Variants in MTUS2 observed in about 807,000 individuals in gnomAD.
The protein encoded by MTUS2 is microtubule associated scaffold protein 2.
In MTUS2, 40 loss-of-function variants were observed where a neutral mutation model predicts 114.1. The ratio of observed to expected loss-of-function variants is 0.35; its 90% CI spans 0.27 to 0.46. MTUS2 has a LOEUF of 0.46. Ranked by LOEUF, MTUS2 falls within the 20% of genes least tolerant of loss-of-function variation. The pLI is 1.00. For synonymous variants in MTUS2, 688 were observed against 672.0 expected (o/e 1.02, Z -0.37); for missense variants, 1,679 against 1,705.4 (o/e 0.98, Z 0.27).
At chr13:29,132,103 T>G (rs1891789356) in intron 5 of MTUS2, among the ~76,000 whole-genome samples, 1 of 152,240 alleles carries the variant, frequency 6.6e-6, no homozygotes, top group African/African-American at 2.4e-5. Flanking sequence ...AACTCTGGAA[T>G]GAGTACGTTT....
At chr13:29,006,652 C>T (rs1480349074) in intron 2 of MTUS2, among the ~76,000 whole-genome samples, 1 of 152,156 alleles carries the variant, frequency 6.6e-6, no homozygotes, top group East Asian at 1.9e-4. Context: ...CCTGAGAGGC[C>T]TGACAATAGG....
chr13:29,390,780 A>ATGATGG, intron 8 of MTUS2, among the ~76,000 whole-genome samples: 1 of 150,600 alleles, frequency 6.6e-6, no homozygotes, highest in African/African-American at 2.5e-5. Context: ...GATGATGATG[A>ATGATGG]TGATGATGAT....
chr13:29,039,691 G>A (rs572217631), intron 4 of MTUS2, among the ~76,000 whole-genome samples: 1 of 152,314 alleles, frequency 6.6e-6, no homozygotes, highest in South Asian at 2.1e-4. Context: ...TTTGATCAGT[G>A]TGAAAATGAA....
At chr13:29,162,681 C>A (rs1893149226) in intron 5 of MTUS2, among the ~76,000 whole-genome samples, 1 of 152,178 alleles carries the variant, frequency 6.6e-6, no homozygotes, top group African/African-American at 2.4e-5. Flanking sequence ...GACAATTTTG[C>A]TGTGTTTGAT....
At chr13:28,991,224 T>C (rs1479446630) in intron 2 of MTUS2, among the ~76,000 whole-genome samples, 2 of 152,218 alleles carry the variant, frequency 1.3e-5, no homozygotes, top group Non-Finnish European at 2.9e-5. Flanking sequence ...CCTGCTGCTC[T>C]TGATCATGTG....
chr13:29,499,828 G>T (rs1031371100), intron 14 of MTUS2, among the ~76,000 whole-genome samples: 1 of 152,238 alleles, frequency 6.6e-6, no homozygotes, highest in Non-Finnish European at 1.5e-5. Context: ...CCTTTTTGCA[G>T]ACATCTCTTG....
At chr13:28,885,132 GT>G (rs1878517001) in intron 2 of MTUS2, among the ~76,000 whole-genome samples, 1 of 152,004 alleles carries the variant, frequency 6.6e-6, no homozygotes, top group Non-Finnish European at 1.5e-5. Context: ...TGATTTGGGT[GT>G]TTTAGGAAAA....
chr13:29,046,623 T>C (rs2138581820), intron 4 of MTUS2, among the ~76,000 whole-genome samples: 1 of 152,386 alleles, frequency 6.6e-6, no homozygotes, highest in Middle Eastern at 3.4e-3. Flanking sequence ...TTCTAAATCT[T>C]GCCAGCTGAT....
At chr13:29,342,588 A>G (rs1306900539) in intron 7 of MTUS2, among the ~76,000 whole-genome samples, 3 of 152,120 alleles carry the variant, frequency 2.0e-5, no homozygotes, top group Non-Finnish European at 4.4e-5. Flanking sequence ...TAGGTATACC[A>G]TTATGTCATT....
At chr13:28,826,311 G>A (rs1566160174) in intron 1 of MTUS2, among the ~76,000 whole-genome samples, 1 of 151,974 alleles carries the variant, frequency 6.6e-6, no homozygotes, top group Non-Finnish European at 1.5e-5. Context: ...TGATTACTTT[G>A]GTCTCTTTAT....
intron 5 of MTUS2, among the ~76,000 whole-genome samples, chr13:29,131,492 G>C (rs1208003630): frequency 1.3e-5 from 2 of 152,266 alleles, no homozygotes; most frequent in Non-Finnish European, 2.9e-5. Flanking sequence ...TTGAGGCCCA[G>C]CTCAGGAGGA....
chr13:28,899,945 C>T (rs371617700), intron 2 of MTUS2, among the ~76,000 whole-genome samples: 19 of 152,018 alleles, frequency 1.2e-4, no homozygotes, highest in East Asian at 1.2e-3. Context: ...TGGAGTGCAA[C>T]GGCAGGATCT....
intron 8 of MTUS2, among the ~76,000 whole-genome samples, chr13:29,375,536 TAC>T (rs1871552699): frequency 1.7e-4 from 1 of 6,060 alleles, no homozygotes; most frequent in Non-Finnish European, 6.0e-4. Context: ...TATATATATA[TAC>T]GTGTATATAT....
At chr13:29,222,624 G>A (rs1156385506) in intron 5 of MTUS2, among the ~76,000 whole-genome samples, 1 of 152,254 alleles carries the variant, frequency 6.6e-6, no homozygotes, top group Admixed American at 6.5e-5. Flanking sequence ...CACAGAGCCA[G>A]CAGGAGCCAG....
chr13:28,984,390 G>A (rs1035937165), intron 2 of MTUS2, among the ~76,000 whole-genome samples: 1 of 152,106 alleles, frequency 6.6e-6, no homozygotes, highest in Non-Finnish European at 1.5e-5. Flanking sequence ...ATCCATAAAA[G>A]GGGTCTTTAT....
intron 5 of MTUS2, among the ~76,000 whole-genome samples, chr13:29,166,486 C>A (rs548913518): frequency 6.6e-6 from 1 of 152,166 alleles, no homozygotes; most frequent in Non-Finnish European, 1.5e-5. Flanking sequence ...GGGTGTCAGC[C>A]CCAGACCCAT....
intron 2 of MTUS2, among the ~76,000 whole-genome samples, chr13:28,949,933 GA>G (rs1460769355): frequency 9.9e-5 from 15 of 152,272 alleles, no homozygotes; most frequent in African/African-American, 3.6e-4. Flanking sequence ...ATTTCTTTAG[GA>G]CTTTGCTTTC....
intron 2 of MTUS2, among the ~76,000 whole-genome samples, chr13:28,919,626 A>G (rs574172324): frequency 6.6e-6 from 1 of 151,976 alleles, no homozygotes; most frequent in Non-Finnish European, 1.5e-5. Flanking sequence ...AGGTTTGGCA[A>G]TTTCTCTTAT....
intron 5 of MTUS2, among the ~76,000 whole-genome samples, chr13:29,227,094 C>T (rs1476203671): frequency 6.6e-6 from 1 of 151,890 alleles, no homozygotes; most frequent in African/African-American, 2.4e-5. Context: ...CCTGTCTTTA[C>T]TAAAAATACA....
Sources: gnomAD v4.1 joint callset for allele counts (sites outside exome capture counted in the v4.1 genomes callset) on GRCh38, gnomAD v4.1.1 for gene constraint, MANE v1.5 for transcripts, NCBI Gene and HGNC (gene_info 2026-07-23, HGNC 2026-07-21) for gene names.